The following ATXN1 variants were observed in gnomAD, a reference collection of about 807,000 sequenced individuals.
ATXN1 encodes the protein ataxin 1, also known as ataxin-1.
A neutral mutation model predicts 56.4 loss-of-function variants in ATXN1; 8 were observed. The ratio of observed to expected loss-of-function variants is 0.14; its 90% confidence interval spans 0.08 to 0.26. The LOEUF is 0.26. Among genes scored for constraint, ATXN1 ranks in the 10% least tolerant of loss-of-function variants. The pLI is 1.00. For synonymous variants in ATXN1, 514 were observed against 494.6 expected (o/e 1.04, Z -0.52); for missense variants, 987 against 1,106.5 (o/e 0.89, Z 1.53).
At chr6:16,460,049 G>T (rs1184927906) in intron 6 of ATXN1, among the ~76,000 whole-genome samples, 1 of 152,092 alleles carries the variant, frequency 6.6e-6, no homozygotes, top group Non-Finnish European at 1.5e-5. Flanking sequence ...AGTTGTGGGG[G>T]TTCCTTGGGA....
chr6:16,622,677 A>G (rs560629883), intron 3 of ATXN1, among the ~76,000 whole-genome samples: 3 of 152,134 alleles, frequency 2.0e-5, no homozygotes, highest in Non-Finnish European at 4.4e-5. Context: ...TTACCCAGCC[A>G]TCTTTCTGTT....
At chr6:16,600,414 A>G (rs1015722090) in intron 3 of ATXN1, among the ~76,000 whole-genome samples, 10 of 152,354 alleles carry the variant, frequency 6.6e-5, no homozygotes, top group Admixed American at 6.5e-4. Context: ...TCTCCGTGAT[A>G]TTAGCTATGC....
At chr6:16,544,628 C>T (rs994729808) in intron 4 of ATXN1, among the ~76,000 whole-genome samples, 1 of 152,052 alleles carries the variant, frequency 6.6e-6, no homozygotes, top group African/African-American at 2.4e-5. Context: ...TGTTATGGCA[C>T]TGGGATTCAA....
intron 6 of ATXN1, among the ~76,000 whole-genome samples, chr6:16,381,074 G>C (rs937056440): frequency 6.6e-6 from 1 of 152,198 alleles, no homozygotes; most frequent in African/African-American, 2.4e-5. Flanking sequence ...GGCGGATCAT[G>C]AGGTCAGGAG....
chr6:16,622,488 A>T (rs1171294016), intron 3 of ATXN1, among the ~76,000 whole-genome samples: 1 of 152,210 alleles, frequency 6.6e-6, no homozygotes, highest in Non-Finnish European at 1.5e-5. Flanking sequence ...CAAAATTAGT[A>T]TCGAACACAG....
At position 16,696,863 on chromosome 6, in the gene ATXN1, T is replaced by C. The variant is rs370777999; in HGVS notation, c.-614-38962A>G. On this transcript the variant is annotated intron_variant, in intron 2 of 7. Coordinates refer to ENST00000436367, the MANE Select transcript of ATXN1 (RefSeq NM_001128164.2). Reference sequence around the variant, plus strand: ...CCCCTTCTCATTTCCAAGAGAAAGGTAGTGTTGACCCTAAAAGCTAAGAGA... The same window carrying C: ...CCCCTTCTCATTTCCAAGAGAAAGGCAGTGTTGACCCTAAAAGCTAAGAGA... Among the ~76,000 whole-genome samples the C allele has an allele frequency of 3.2e-4, 49 of 152,324 alleles. 1 individual carries two copies. Among genetic ancestry groups the C allele is most frequent in the African/African-American group, 8.4e-4 (35 of 41,578 alleles).
intron 7 of ATXN1, among the ~76,000 whole-genome samples, chr6:16,311,427 C>A (rs1418012179): frequency 2.0e-5 from 3 of 152,196 alleles, no homozygotes; most frequent in African/African-American, 7.2e-5. Context: ...TACCCCCCAA[C>A]AGTGGTGAAT....
intron 6 of ATXN1, among the ~76,000 whole-genome samples, chr6:16,357,427 GC>G (rs1316914074): frequency 2.0e-5 from 3 of 151,990 alleles, no homozygotes; most frequent in South Asian, 2.1e-4. Flanking sequence ...CCGCCACCAT[GC>G]CCGGCTAATT....
chr6:16,399,634 C>T (rs558600464), intron 6 of ATXN1, among the ~76,000 whole-genome samples: 7 of 152,206 alleles, frequency 4.6e-5, no homozygotes, highest in East Asian at 3.9e-4. Context: ...GGCTCTCAAC[C>T]GGAAGCAATT....
chr6:16,436,413 T>G (rs976907673), intron 6 of ATXN1, among the ~76,000 whole-genome samples: 1 of 152,142 alleles, frequency 6.6e-6, no homozygotes, highest in South Asian at 2.1e-4. Flanking sequence ...TATAATGAAG[T>G]ATTTTCCATT....
At chr6:16,680,656 T>A (rs1758794458) in intron 2 of ATXN1, among the ~76,000 whole-genome samples, 1 of 152,102 alleles carries the variant, frequency 6.6e-6, no homozygotes, top group Non-Finnish European at 1.5e-5. Context: ...AACCTTAAAA[T>A]GAAACAAATA....
intron 3 of ATXN1, among the ~76,000 whole-genome samples, chr6:16,599,706 T>C (rs1762880219): frequency 7.1e-6 from 1 of 140,728 alleles, no homozygotes; most frequent in Non-Finnish European, 1.5e-5. Flanking sequence ...TGAAACTCCG[T>C]CTCAAAAAAA....
chr6:16,742,497 G>A (rs987031824), intron 2 of ATXN1, among the ~76,000 whole-genome samples: 1 of 152,206 alleles, frequency 6.6e-6, no homozygotes, highest in African/African-American at 2.4e-5. Context: ...TCCTCTGGGG[G>A]TGCTGCAGCG....
chr6:16,641,427 A>G (rs1200369702), intron 3 of ATXN1, among the ~76,000 whole-genome samples: 2 of 152,246 alleles, frequency 1.3e-5, no homozygotes, highest in Admixed American at 6.5e-5. Context: ...TACCATTCCA[A>G]AAATCCTAGA....
At chr6:16,629,794 G>A (rs1028381435) in intron 3 of ATXN1, among the ~76,000 whole-genome samples, 1 of 151,422 alleles carries the variant, frequency 6.6e-6, no homozygotes, top group Non-Finnish European at 1.5e-5. Context: ...GTGTGCGCCT[G>A]TAATCCCAGC....
intron 2 of ATXN1, among the ~76,000 whole-genome samples, chr6:16,663,602 A>G (rs1052960784): frequency 7.2e-5 from 11 of 152,120 alleles, no homozygotes; most frequent in African/African-American, 2.7e-4. Flanking sequence ...TGTCTTAGGA[A>G]GATGATGCTC....
intron 4 of ATXN1, among the ~76,000 whole-genome samples, chr6:16,567,716 C>T (rs531152117): frequency 3.9e-5 from 6 of 151,968 alleles, no homozygotes; most frequent in Non-Finnish European, 5.9e-5. Flanking sequence ...ACCAGTGTTC[C>T]GCCTTTTTAC....
intron 4 of ATXN1, among the ~76,000 whole-genome samples, chr6:16,565,397 G>A (rs1329304208): frequency 6.6e-6 from 1 of 152,090 alleles, no homozygotes; most frequent in Non-Finnish European, 1.5e-5. Context: ...TTTGATGTTT[G>A]ATTTATCTGA....
chr6:16,697,102 A>G lies in ATXN1; in HGVS notation c.-614-39201T>C, dbSNP rs543450716. ...ACAGTGGAGCTAGTAACAGAGTGTT[A>G]GTATTAGCGGGATGAATACACCTGC... is the stretch of plus-strand genomic sequence containing the variant. On this transcript the variant is annotated intron_variant, in intron 2 of 7. Coordinates refer to ENST00000436367, the MANE Select transcript of ATXN1 (RefSeq NM_001128164.2). 1.1e-4 allele frequency among the ~76,000 whole-genome samples: 17 copies of G among 152,360 alleles called. No individual in the cohort carries two copies. The South Asian group carries it at 3.1e-3, about 28-fold the overall frequency.
Sources: allele counts gnomAD v4.1 joint callset (sites outside exome capture counted in the v4.1 genomes callset), GRCh38; gene constraint gnomAD v4.1.1; transcripts MANE v1.5; gene names NCBI Gene and HGNC (gene_info 2026-07-23, HGNC 2026-07-21).